The following PLEKHG3 variants were observed in gnomAD, a reference collection of about 807,000 sequenced individuals.
PLEKHG3 encodes pleckstrin homology and RhoGEF domain containing G3.
Under a neutral mutation model 94.9 loss-of-function variants are expected in PLEKHG3, and 62 were observed. The observed-to-expected ratio is 0.65, with a 90% CI of 0.53 to 0.81. The LOEUF is 0.81. Ranked by LOEUF, PLEKHG3 falls within the 30% of genes least tolerant of loss-of-function variation. The probability of loss-of-function intolerance (pLI) is 0.00; values close to 1 mark genes in which losing one functional copy is unlikely to be tolerated. For missense variants in PLEKHG3, 1,461 were observed against 1,619.3 expected, an observed-to-expected ratio of 0.90 and a Z score of 1.68; for synonymous variants, 614 against 654.0, an observed-to-expected ratio of 0.94 and a Z score of 0.93.
Position 64,720,371 on chromosome 14 carries a change from C to G in PLEKHG3, c.-39-7222C>G, listed in dbSNP as rs1296765979. On this transcript the variant is annotated intron_variant, in intron 1 of 16. Transcript: ENST00000247226. This position sits in a 1 kb window ranked among gnomAD's most constrained non-coding sequence, Gnocchi z 4.1. ...TTGATCGGAAACTTGCTGGCAGTGA[C>G]TAATGTGGAGACTCATTAGGCTAGG... Among the ~76,000 whole-genome samples, 1 of 152,222 alleles carries G rather than the reference C, an allele frequency of 6.6e-6. No homozygotes were observed. Among genetic ancestry groups the G allele is most frequent in the Non-Finnish European group, 1.5e-5 (1 of 68,044 alleles).
chr14:64,729,116 C>T lies in PLEKHG3; in HGVS notation c.449+23C>T, dbSNP rs878955763. Reference sequence around the variant, plus strand: ...CAGGTGTGTGAATGGGCCTGACACTCACCATGTTCTGCCTGCGAGGCCCAC... The same window carrying T: ...CAGGTGTGTGAATGGGCCTGACACTTACCATGTTCTGCCTGCGAGGCCCAC... On this transcript the variant is annotated intron_variant, in intron 3 of 16. Coordinates refer to ENST00000247226, the MANE Select transcript of PLEKHG3 (RefSeq NM_001308147.2). 2.6e-6 allele frequency: 3 copies of T among 1,135,370 alleles called. No individual in the cohort carries two copies. In the South Asian group the frequency reaches 4.0e-5, roughly 15 times the overall value. 70.3% of individuals were successfully genotyped at this position (1,135,370 alleles called of 1,614,324 possible).
At position 64,749,525 on chromosome 14, in the gene PLEKHG3, C is replaced by T; in HGVS notation, c.*5822C>T. The T allele has an allele frequency of 6.3e-7, 1 of 1,598,474 alleles. No homozygotes were observed. Among genetic ancestry groups the T allele is most frequent in the Non-Finnish European group, 8.5e-7 (1 of 1,177,578 alleles). The stretch of plus-strand genomic sequence containing the variant: ...TCTGGAGGCCCACAGCCCCCCACCT[C>T]CCGGGCCAGGCAACAATGGTGGGGG... On this transcript the variant is annotated 3_prime_UTR_variant, in exon 17 of 17. Transcript: ENST00000247226. The surrounding 1 kb of genome is among the most constrained non-coding windows in gnomAD (Gnocchi z 4.7).
At chr14:64,737,019 C>T (rs1258665174) in intron 13 of PLEKHG3, 128 bp downstream of exon 13, 6 of 779,058 alleles carry the variant, frequency 7.7e-6, no homozygotes, top group African/African-American at 3.4e-5. Flanking sequence ...GGGAACTCTG[C>T]CTCCATTCCC....
In PLEKHG3 at chr14:64,738,777, C is replaced by T. The variant is rs762714395; in HGVS notation, c.1440C>T (p.Ser480=). 4.9e-5 allele frequency: 78 copies of T among 1,598,524 alleles called. No homozygotes were observed. The highest frequency in any genetic ancestry group is 6.7e-5 in the Non-Finnish European group (78 of 1,172,144). Residue 480 remains serine (S), a synonymous_variant, in exon 15 of 17, where the codon AGC becomes AGT. Coordinates refer to ENST00000247226, the MANE Select transcript of PLEKHG3 (RefSeq NM_001308147.2). This position sits in a 1 kb window ranked among gnomAD's most constrained non-coding sequence, Gnocchi z 4.8. ...KGRRESESSR[S]SRRPSGRSPT... Reference sequence around the variant, plus strand: ...GCAGGGAGTCTGAAAGCTCCAGGAGCAGCAGAAGGCCCAGTGGCCGGTCTC... The same window carrying T: ...GCAGGGAGTCTGAAAGCTCCAGGAGTAGCAGAAGGCCCAGTGGCCGGTCTC...
chr14:64,737,787 C>T, intron 14 of PLEKHG3: 2 of 767,206 alleles, frequency 2.6e-6, no homozygotes, highest in Non-Finnish European at 3.5e-6. Context: ...GAAGGCTCCC[C>T]CCCCGCAGCT....
intron 1 of PLEKHG3, among the ~76,000 whole-genome samples, chr14:64,708,752 GA>G (rs1329807494): frequency 6.6e-6 from 1 of 152,112 alleles, no homozygotes; most frequent in African/African-American, 2.4e-5. Context: ...CCTAGTTCAG[GA>G]AGTGAGAGAT....
At position 64,741,160 on chromosome 14, in the gene PLEKHG3, A is replaced by G. The variant is rs1236872093; in HGVS notation, c.1643A>G (p.His548Arg). 1 of 1,614,106 alleles carries G rather than the reference A, an allele frequency of 6.2e-7. No homozygotes were observed. The highest frequency in any genetic ancestry group is 1.7e-5 in the Admixed American group (1 of 60,028). Residue 548 changes from histidine (H) to arginine (R), a missense_variant, in exon 16 of 17, where the codon CAC (histidine) becomes CGC (arginine). By Grantham distance (29) the His-to-Arg change is conservative. Coordinates refer to ENST00000247226, the MANE Select transcript of PLEKHG3 (RefSeq NM_001308147.2). ...GTCCTGGAGACACAGCTTGATGCCC[A>G]CCAGGGCCTTCTGGGGATGGACCCC... ...PEVLETQLDA[H>R]QGLLGMDPPG...
chr14:64,707,814 T>G (rs937541239), intron 1 of PLEKHG3, among the ~76,000 whole-genome samples: 2 of 152,236 alleles, frequency 1.3e-5, no homozygotes, highest in South Asian at 4.1e-4. Flanking sequence ...GCTTGACAGC[T>G]CACTAGCCCT....
chr14:64,750,158 C>T lies in PLEKHG3; in HGVS notation c.*6455C>T. On this transcript the variant is annotated 3_prime_UTR_variant, in exon 17 of 17. Coordinates refer to ENST00000247226, the MANE Select transcript of PLEKHG3 (RefSeq NM_001308147.2). ...ACAGTACAGGTTGTTCCAGGACCTG[C>T]AAAGATGCAGACAGGCAGGTCACCC... The T allele has an allele frequency of 1.2e-6, 2 of 1,609,836 alleles. No homozygotes were observed. Among genetic ancestry groups the T allele is most frequent in the Non-Finnish European group, 1.7e-6 (2 of 1,176,514 alleles).
rs74890620 is a variant in PLEKHG3, at chr14:64,713,423, C to T, written c.-40+8719C>T. 4.7e-3 allele frequency among the ~76,000 whole-genome samples: 718 copies of T among 152,222 alleles called. 26 individuals carry two copies. In the East Asian group the frequency reaches 0.086, roughly 18 times the overall value. On this transcript the variant is annotated intron_variant, in intron 1 of 16. Transcript: ENST00000247226. Reference sequence around the variant, plus strand: ...GACTTCACCAGGGAAGCCGTCTAGTCCTGGGCTTTTCTTCATTGGAAGTTT... The same window carrying T: ...GACTTCACCAGGGAAGCCGTCTAGTTCTGGGCTTTTCTTCATTGGAAGTTT...
Position 64,732,719 on chromosome 14 carries a change from G to C in PLEKHG3, c.1247-84G>C. ...GGCCCTGGAGCTGGGTGGGTATAGA[G>C]GTCTGGCTGGTTATGGACAGGGTCT... On this transcript the variant is annotated intron_variant, in intron 11 of 16. Coordinates refer to ENST00000247226, the MANE Select transcript of PLEKHG3 (RefSeq NM_001308147.2). The surrounding 1 kb of genome is among the most constrained non-coding windows in gnomAD (Gnocchi z 4.9). The C allele has an allele frequency of 9.5e-7, 1 of 1,050,448 alleles. No homozygotes were observed. The highest frequency in any genetic ancestry group is 2.6e-5 in the East Asian group (1 of 38,874). 65.1% of individuals were successfully genotyped at this position (1,050,448 alleles called of 1,614,324 possible). A position where few individuals can be genotyped will look rare whatever the true frequency, so the allele number is the denominator to read the frequency against.
intron 12 of PLEKHG3, among the ~76,000 whole-genome samples, chr14:64,734,060 C>A (rs950176594): frequency 6.6e-6 from 1 of 152,140 alleles, no homozygotes; most frequent in Non-Finnish European, 1.5e-5. Context: ...ACCTGTGGGT[C>A]CCCTGAATGT....
At chr14:64,733,143 C>CTT (rs1319758230) in intron 12 of PLEKHG3, among the ~76,000 whole-genome samples, 37 of 148,854 alleles carry the variant, frequency 2.5e-4, no homozygotes, top group African/African-American at 9.3e-4. Flanking sequence ...TTACTTTTTT[C>CTT]TTTTCTTTTC....
In PLEKHG3 at chr14:64,741,469, T is replaced by C. The variant is rs1252323608; in HGVS notation, c.1952T>C (p.Leu651Pro). The stretch of plus-strand genomic sequence containing the variant: ...AGCCTGGAGGGCAGCGAGAAGGGCC[T>C]GGCCCGGCATGGCAGTGCCACAGAC... ...VLSLEGSEKG[L>P]ARHGSATDSL... The change falls in exon 16 of 17, where the codon CTG (leucine) becomes CCG (proline). Residue 651 changes from leucine to proline, a missense_variant. This residue lies in a region of PLEKHG3 where 1,201 missense variants were observed against 1,295.5 expected (regional missense o/e 0.93). Transcript: ENST00000247226. 58 of 1,612,642 alleles carry C rather than the reference T, an allele frequency of 3.6e-5. No homozygotes were observed. Among genetic ancestry groups the C allele is most frequent in the Non-Finnish European group, 4.8e-5 (57 of 1,180,010 alleles).
In PLEKHG3 at chr14:64,728,171, G is replaced by T. The variant is rs1405577504; in HGVS notation, c.351+189G>T. On this transcript the variant is annotated intron_variant, in intron 2 of 16. Coordinates refer to ENST00000247226, the MANE Select transcript of PLEKHG3 (RefSeq NM_001308147.2). This position sits in a 1 kb window ranked among gnomAD's most constrained non-coding sequence, Gnocchi z 5.9. ...GGACCTTGGGCCAGATCAGTAGCTTGGGCCGACAGGAGTGAGCATCGTTGA... is the reference window on the plus strand; with the variant it reads ...GGACCTTGGGCCAGATCAGTAGCTTTGGCCGACAGGAGTGAGCATCGTTGA... Among the ~76,000 whole-genome samples, 6 of 152,232 alleles carry T rather than the reference G, an allele frequency of 3.9e-5. No individual in the cohort carries two copies. Among genetic ancestry groups the T allele is most frequent in the African/African-American group, 1.4e-4 (6 of 41,464 alleles).
Position 64,748,771 on chromosome 14 carries a change from C to G in PLEKHG3, c.*5068C>G, listed in dbSNP as rs1322543204. On this transcript the variant is annotated 3_prime_UTR_variant, in exon 17 of 17. Coordinates refer to ENST00000247226, the MANE Select transcript of PLEKHG3 (RefSeq NM_001308147.2). ...TGGCCCAGAGCTAGGGCTTTGTGGG[C>G]CACCTGAAGGCTCCTTCCTCATGCC... 1.3e-5 allele frequency: 2 copies of G among 155,466 alleles called. No homozygotes were observed. Among genetic ancestry groups the G allele is most frequent in the Non-Finnish European group, 2.8e-5 (2 of 70,602 alleles). The allele number at this position is 155,466 out of a possible 1,614,324, so 9.6% of individuals were successfully genotyped here. A position where few individuals can be genotyped will look rare whatever the true frequency, so the allele number is the denominator to read the frequency against.
rs759634959 is a variant in PLEKHG3, at chr14:64,749,505, A to C, written c.*5802A>C. ...GGCGGAGGGTCACGGTGGAGTCTGG[A>C]GGCCCACAGCCCCCCACCTCCCGGG... On this transcript the variant is annotated 3_prime_UTR_variant, in exon 17 of 17. Coordinates refer to ENST00000247226, the MANE Select transcript of PLEKHG3 (RefSeq NM_001308147.2). The surrounding 1 kb of genome is among the most constrained non-coding windows in gnomAD (Gnocchi z 4.7). 6.3e-7 allele frequency: 1 copy of C among 1,597,640 alleles called. No individual in the cohort carries two copies. Among genetic ancestry groups the C allele is most frequent in the Non-Finnish European group, 8.5e-7 (1 of 1,177,680 alleles).
chr14:64,715,924 G>A lies in PLEKHG3; in HGVS notation c.-40+11220G>A, dbSNP rs1177622587. On this transcript the variant is annotated intron_variant, in intron 1 of 16. Coordinates refer to ENST00000247226, the MANE Select transcript of PLEKHG3 (RefSeq NM_001308147.2). The surrounding 1 kb of genome is among the most constrained non-coding windows in gnomAD (Gnocchi z 4.4). ...GGTTCTGAATAGAACATTTATTGAC[G>A]AAGTTTTGCAGGAGGCGGCGGGCGC... The A allele has an allele frequency of 1.9e-5, 8 of 418,956 alleles. No individual in the cohort carries two copies. The East Asian group carries it at 3.7e-4, about 19-fold the overall frequency. 26.0% of individuals were successfully genotyped at this position (418,956 alleles called of 1,614,324 possible). A position where few individuals can be genotyped will look rare whatever the true frequency, so the allele number is the denominator to read the frequency against.
chr14:64,732,323 G>C lies in PLEKHG3; in HGVS notation c.1213-104G>C. ...AGTACAGCAGATGCCCCGGGCCTTG[G>C]TGCAGCACTGTGGGGTGTCCTCGTA... On this transcript the variant is annotated intron_variant, in intron 10 of 16. Transcript: ENST00000247226. This position sits in a 1 kb window ranked among gnomAD's most constrained non-coding sequence, Gnocchi z 4.9. The C allele has an allele frequency of 1.6e-6, 2 of 1,261,410 alleles. No homozygotes were observed. The highest frequency in any genetic ancestry group is 2.3e-6 in the Non-Finnish European group (2 of 860,084). The allele number at this position is 1,261,410 out of a possible 1,614,324, so 78.1% of individuals were successfully genotyped here.
Sources: allele counts gnomAD v4.1 joint callset (sites outside exome capture counted in the v4.1 genomes callset), GRCh38; gene constraint gnomAD v4.1.1; regional missense constraint gnomAD v4.1.1; non-coding constraint Gnocchi (gnomAD v3.1); transcripts MANE v1.5; gene names NCBI Gene and HGNC (gene_info 2026-07-23, HGNC 2026-07-21).